SLC13A1: variants seen among roughly 807,000 people sequenced by gnomAD.
The protein encoded by SLC13A1 is solute carrier family 13 member 1.
Under a neutral mutation model 70.0 loss-of-function variants are expected in SLC13A1, and 65 were observed. The ratio of observed to expected loss-of-function variants is 0.93; its 90% confidence interval spans 0.76 to 1.14. The LOEUF (loss-of-function observed/expected upper bound fraction) is 1.14, where lower values mean the gene tolerates loss of function less well. Among genes scored for constraint, SLC13A1 ranks in the 50% most tolerant of loss-of-function variants. The pLI, the probability that SLC13A1 is intolerant of heterozygous loss-of-function variation, is 0.00. For synonymous variants in SLC13A1, 275 were observed against 250.5 expected (o/e 1.10, Z -0.92); for missense variants, 726 against 717.8 (o/e 1.01, Z -0.13).
Position 123,147,196 on chromosome 7 carries a change from T to A in SLC13A1, c.775A>T (p.Thr259Ser). Residue 259 changes from threonine (T) to serine (S), a missense_variant, in exon 7 of 15, where the codon ACC (threonine) becomes TCC (serine). By Grantham distance (58) the Thr-to-Ser change is moderately conservative. Coordinates refer to ENST00000194130, the MANE Select transcript of SLC13A1 (RefSeq NM_022444.4). ...TIGGLTTITG[T>S]STNLIFAEYF... Reference sequence around the variant, plus strand: ...TCTGCAAAGATCAAGTTGGTGGAGGTACCAGTGATTGTTGTCAGTCCACCA... The same window carrying A: ...TCTGCAAAGATCAAGTTGGTGGAGGAACCAGTGATTGTTGTCAGTCCACCA... 1 of 1,613,666 alleles carries A rather than the reference T, an allele frequency of 6.2e-7. No homozygotes were observed. Among genetic ancestry groups the A allele is most frequent in the Non-Finnish European group, 8.5e-7 (1 of 1,179,764 alleles).
At chr7:123,151,012 T>C (rs1055639930) in intron 6 of SLC13A1, among the ~76,000 whole-genome samples, 1 of 152,112 alleles carries the variant, frequency 6.6e-6, no homozygotes, top group Non-Finnish European at 1.5e-5. Context: ...TAGACCCATG[T>C]ATCCAATTGC....
At chr7:123,164,899 T>C (rs2116518126) in intron 6 of SLC13A1, among the ~76,000 whole-genome samples, 1 of 142,904 alleles carries the variant, frequency 7.0e-6, no homozygotes, top group East Asian at 2.0e-4. Flanking sequence ...AAGAGTAATA[T>C]TTGTATTTTT....
At chr7:123,147,069 G>A (rs1794378180) in intron 7 of SLC13A1, 90 bp downstream of exon 7, 10 of 1,301,252 alleles carry the variant, frequency 7.7e-6, no homozygotes, top group Middle Eastern at 5.3e-4. Context: ...TAACATCTCT[G>A]TACTTGAATT....
chr7:123,191,730 G>A (rs772879983), intron 1 of SLC13A1, among the ~76,000 whole-genome samples: 37 of 152,146 alleles, frequency 2.4e-4, no homozygotes, highest in Non-Finnish European at 4.7e-4. Flanking sequence ...CCCTCGCCAA[G>A]ATTCTTTGGG....
intron 7 of SLC13A1, among the ~76,000 whole-genome samples, chr7:123,137,097 G>A (rs1480860270): frequency 1.3e-5 from 2 of 152,156 alleles, no homozygotes; most frequent in Non-Finnish European, 2.9e-5. Context: ...TAATTGGAAC[G>A]TAGTAAGTTA....
intron 6 of SLC13A1, among the ~76,000 whole-genome samples, chr7:123,150,449 T>C (rs1193216708): frequency 6.6e-6 from 1 of 152,134 alleles, no homozygotes; most frequent in Non-Finnish European, 1.5e-5. Context: ...TTCATCAACA[T>C]TTAATTATTT....
chr7:123,129,269 G>A (rs1793668265), intron 9 of SLC13A1, 114 bp downstream of exon 9: 4 of 894,826 alleles, frequency 4.5e-6, no homozygotes, highest in Non-Finnish European at 6.9e-6. Context: ...AAGCAATTAT[G>A]TGCTTGTTTG....
At position 123,171,035 on chromosome 7, in the gene SLC13A1, G is replaced by A. The variant is rs560464103; in HGVS notation, c.365+733C>T. ...GTGTCTACGCCCTAGAATGAATTAT[G>A]CAATATAAGTCAATACAATATTCTA... On this transcript the variant is annotated intron_variant, in intron 3 of 14. Coordinates refer to ENST00000194130, the MANE Select transcript of SLC13A1 (RefSeq NM_022444.4). 2.0e-5 allele frequency among the ~76,000 whole-genome samples: 3 copies of A among 151,842 alleles called. No individual in the cohort carries two copies. In the East Asian group the frequency reaches 5.8e-4, roughly 30 times the overall value.
chr7:123,161,279 A>T (rs956572387), intron 6 of SLC13A1, among the ~76,000 whole-genome samples: 2 of 151,118 alleles, frequency 1.3e-5, no homozygotes, highest in Non-Finnish European at 1.5e-5. Context: ...AAGATTATTT[A>T]AAAATAATCT....
intron 1 of SLC13A1, chr7:123,190,685 G>A (rs1795963291): frequency 6.6e-6 from 3 of 456,496 alleles, no homozygotes; most frequent in Non-Finnish European, 1.3e-5. Flanking sequence ...AGAAGCTGTT[G>A]AGAATAAGCT....
rs1056765784 is a variant in SLC13A1, at chr7:123,117,594, A to G, written c.1527T>C (p.His509=). Residue 509 remains histidine (H), a synonymous_variant, in exon 14 of 15, where the codon CAT becomes CAC. Transcript: ENST00000194130. ...GTATCAGAATATAAAGAGGGTTCAC[A>G]TGAATGGCTTCGGCCTGTTGTAAGA... The part of the protein sequence containing the change: ...PILSPLAEAI[H]VNPLYILIPS... 1.9e-6 allele frequency: 3 copies of G among 1,607,886 alleles called. No individual in the cohort carries two copies. The highest frequency in any genetic ancestry group is 2.6e-6 in the Non-Finnish European group (3 of 1,175,898).
At chr7:123,145,070 T>C (rs1419481209) in intron 7 of SLC13A1, among the ~76,000 whole-genome samples, 1 of 152,156 alleles carries the variant, frequency 6.6e-6, no homozygotes, top group African/African-American at 2.4e-5. Flanking sequence ...TATTAACTAT[T>C]TATCATTCAT....
intron 10 of SLC13A1, among the ~76,000 whole-genome samples, chr7:123,126,637 C>T (rs1253241055): frequency 2.0e-5 from 3 of 151,968 alleles, no homozygotes; most frequent in East Asian, 1.9e-4. Flanking sequence ...AAAGAAATGC[C>T]GTATCTTTCT....
intron 6 of SLC13A1, among the ~76,000 whole-genome samples, chr7:123,151,998 T>C (rs1169001727): frequency 1.4e-5 from 2 of 143,846 alleles, no homozygotes; most frequent in Admixed American, 6.9e-5. Flanking sequence ...TTCTACAGAC[T>C]GCAGCCTACA....
At chr7:123,134,873 G>A (rs928809311) in intron 7 of SLC13A1, among the ~76,000 whole-genome samples, 6 of 152,104 alleles carry the variant, frequency 3.9e-5, no homozygotes, top group South Asian at 2.1e-4. Flanking sequence ...AGGTATTTGC[G>A]TTTTGTTGTC....
At chr7:123,131,914 T>A (rs1793777378) in intron 8 of SLC13A1, among the ~76,000 whole-genome samples, 1 of 152,224 alleles carries the variant, frequency 6.6e-6, no homozygotes, top group African/African-American at 2.4e-5. Flanking sequence ...CCTTTTTAAA[T>A]GGTGTGCCAT....
chr7:123,183,189 A>G (rs58101626), intron 1 of SLC13A1, among the ~76,000 whole-genome samples: 58,015 of 151,996 alleles, frequency 0.38, 11,161 homozygotes, highest in South Asian at 0.41. Flanking sequence ...TGAAGCAGTC[A>G]CAAGCTGATA....
In SLC13A1 at chr7:123,180,977, T is replaced by A. The variant is rs1795618538; in HGVS notation, c.224A>T (p.Lys75Met). Residue 75 changes from lysine (K) to methionine (M), a missense_variant, in exon 2 of 15, where the codon AAG (lysine) becomes ATG (methionine). Transcript: ENST00000194130. ...MLPMFGIMPSKKVASAYFKDF... is the reference protein window; with the variant it reads ...MLPMFGIMPSMKVASAYFKDF... ...GACATTGGCAAGAGGACTTACCTTC[T>A]TAGAAGGCATGATCCCAAACATGGG... 1 of 1,610,646 alleles carries A rather than the reference T, an allele frequency of 6.2e-7. No homozygotes were observed. Among genetic ancestry groups the A allele is most frequent in the Admixed American group, 1.7e-5 (1 of 59,554 alleles).
intron 12 of SLC13A1, among the ~76,000 whole-genome samples, chr7:123,121,950 G>T (rs764241585): frequency 6.6e-6 from 1 of 151,970 alleles, no homozygotes; most frequent in East Asian, 1.9e-4. Context: ...AGTTATTCTG[G>T]GTATCCTGTA....
Sources: gnomAD v4.1 joint callset for allele counts (sites outside exome capture counted in the v4.1 genomes callset) on GRCh38, gnomAD v4.1.1 for gene constraint, MANE v1.5 for transcripts, NCBI Gene and HGNC (gene_info 2026-07-23, HGNC 2026-07-21) for gene names.